CADM2: variants seen among roughly 807,000 people sequenced by gnomAD.
The protein encoded by CADM2 is immunoglobulin superfamily member 4D.
CADM2 carries 12 observed loss-of-function variants against 49.8 expected under a neutral mutation model. The observed-to-expected ratio is 0.24, with a 90% CI of 0.15 to 0.39. The LOEUF (loss-of-function observed/expected upper bound fraction) is 0.39, where lower values mean the gene tolerates loss of function less well. CADM2 is among the 10% of genes least tolerant of loss of function. The pLI, the probability that CADM2 is intolerant of heterozygous loss-of-function variation, is 1.00. For missense variants in CADM2, 378 were observed against 492.3 expected (o/e 0.77, Z 2.20); for synonymous variants, 214 against 175.4 (o/e 1.22, Z -1.74).
chr3:85,475,360 G>A (rs1401522675), intron 1 of CADM2, among the ~76,000 whole-genome samples: 1 of 151,824 alleles, frequency 6.6e-6, no homozygotes, highest in African/African-American at 2.4e-5. Flanking sequence ...TTACCAATTA[G>A]TATAATATGT....
intron 8 of CADM2, among the ~76,000 whole-genome samples, chr3:86,017,113 C>G (rs996514739): frequency 2.4e-4 from 36 of 150,022 alleles, no homozygotes; most frequent in African/African-American, 8.8e-4. Context: ...TGGGTTCATA[C>G]TACTCTGGAC....
chr3:85,061,354 A>G (rs1282531785), intron 1 of CADM2, among the ~76,000 whole-genome samples: 1 of 152,180 alleles, frequency 6.6e-6, no homozygotes, highest in African/African-American at 2.4e-5. Context: ...TGTGAATTAT[A>G]TATAAATTAC....
intron 1 of CADM2, among the ~76,000 whole-genome samples, chr3:85,531,502 A>T (rs2061308078): frequency 6.6e-6 from 1 of 152,236 alleles, no homozygotes. Context: ...AATAATACAT[A>T]CTAGTGTTTG....
intron 7 of CADM2, among the ~76,000 whole-genome samples, chr3:85,938,253 G>A (rs778563416): frequency 4.6e-5 from 7 of 151,900 alleles, no homozygotes; most frequent in Middle Eastern, 3.2e-3. Flanking sequence ...GAGGCAGAAA[G>A]GACAAAAAAC....
At chr3:85,400,086 C>G (rs1329844382) in intron 1 of CADM2, among the ~76,000 whole-genome samples, 1 of 151,976 alleles carries the variant, frequency 6.6e-6, no homozygotes, top group African/African-American at 2.4e-5. Flanking sequence ...GCTGTGGGCT[C>G]GTCATAGGTA....
In CADM2 at chr3:85,060,954, C is replaced by G. The variant is rs145193305; in HGVS notation, c.61+101286C>G. On this transcript the variant is annotated intron_variant, in intron 1 of 9. Coordinates refer to ENST00000383699, the MANE Select transcript of CADM2 (RefSeq NM_001167675.2). The stretch of plus-strand genomic sequence containing the variant: ...TAATCCCATCCAAAAAATAGTAATA[C>G]ATGAGTATACTTCTAACCAGAATGC... 3.8e-3 allele frequency among the ~76,000 whole-genome samples: 580 copies of G among 152,152 alleles called. 6 individuals carry two copies. The highest frequency in any genetic ancestry group is 0.013 in the African/African-American group (556 of 41,540).
chr3:85,687,327 G>A (rs2066247243), intron 1 of CADM2, among the ~76,000 whole-genome samples: 1 of 152,104 alleles, frequency 6.6e-6, no homozygotes, highest in Non-Finnish European at 1.5e-5. Flanking sequence ...AATTACTTTA[G>A]CCATAGTTGC....
At chr3:85,555,185 A>G (rs2061929103) in intron 1 of CADM2, among the ~76,000 whole-genome samples, 1 of 152,180 alleles carries the variant, frequency 6.6e-6, no homozygotes, top group African/African-American at 2.4e-5. Flanking sequence ...TGAATATTTT[A>G]TATACAAAAA....
At chr3:85,074,694 T>C (rs1460924048) in intron 1 of CADM2, among the ~76,000 whole-genome samples, 1 of 152,146 alleles carries the variant, frequency 6.6e-6, no homozygotes, top group Non-Finnish European at 1.5e-5. Flanking sequence ...TATTTCATGA[T>C]AATTCTGTTT....
intron 1 of CADM2, among the ~76,000 whole-genome samples, chr3:85,023,386 C>T (rs2034590872): frequency 6.6e-6 from 1 of 151,898 alleles, no homozygotes; most frequent in Non-Finnish European, 1.5e-5. Context: ...TGTGATTTCT[C>T]AGGCAATTTT....
At chr3:85,290,300 T>C (rs1192260812) in intron 1 of CADM2, among the ~76,000 whole-genome samples, 4 of 151,674 alleles carry the variant, frequency 2.6e-5, no homozygotes, top group Admixed American at 2.6e-4. Context: ...GCCCACGGAA[T>C]CTTGCTGATT....
rs571499718 is a variant in CADM2 at position 85,632,460 on chromosome 3, G to A, written c.62-94062G>A. ...AATATCAGAGTCAGAATAATGCGTC[G>A]AGAGCTGTTTTGTGACCAGATAATT... On this transcript the variant is annotated intron_variant, in intron 1 of 9. Coordinates refer to ENST00000383699, the MANE Select transcript of CADM2 (RefSeq NM_001167675.2). Among the ~76,000 whole-genome samples, 10 of 152,182 alleles carry A rather than the reference G, an allele frequency of 6.6e-5. No individual in the cohort carries two copies. The East Asian group carries it at 1.5e-3, about 24-fold the overall frequency.
intron 8 of CADM2, among the ~76,000 whole-genome samples, chr3:85,979,950 G>A (rs1362413873): frequency 6.6e-6 from 1 of 151,316 alleles, no homozygotes; most frequent in East Asian, 1.9e-4. Flanking sequence ...CCTTAAAAAG[G>A]TGGGAATATC....
intron 1 of CADM2, among the ~76,000 whole-genome samples, chr3:85,506,237 C>A (rs2040346739): frequency 6.6e-6 from 1 of 152,104 alleles, no homozygotes; most frequent in Non-Finnish European, 1.5e-5. Flanking sequence ...TGTTCTTTTT[C>A]ACTTTGTGTT....
intron 6 of CADM2, among the ~76,000 whole-genome samples, chr3:85,919,749 G>A (rs897437168): frequency 6.6e-6 from 1 of 151,806 alleles, no homozygotes; most frequent in Non-Finnish European, 1.5e-5. Flanking sequence ...TGTGCCCAGA[G>A]AAACTAAATT....
At chr3:85,267,534 T>C (rs146509789) in intron 1 of CADM2, among the ~76,000 whole-genome samples, 149 of 151,822 alleles carry the variant, frequency 9.8e-4, no homozygotes, top group African/African-American at 3.5e-3. Context: ...TCTTCCATTA[T>C]GCAATGTGTT....
intron 1 of CADM2, among the ~76,000 whole-genome samples, chr3:85,405,319 C>T (rs1645221164): frequency 1.3e-5 from 2 of 152,028 alleles, no homozygotes; most frequent in Non-Finnish European, 2.9e-5. Flanking sequence ...GAGTCATTAC[C>T]CTGTTTCTAA....
chr3:85,049,393 C>A (rs1354397433), intron 1 of CADM2, among the ~76,000 whole-genome samples: 1 of 151,312 alleles, frequency 6.6e-6, no homozygotes, highest in East Asian at 1.9e-4. Context: ...CACAGTCATC[C>A]AGGCTGGAGT....
chr3:84,969,747 A>G (rs1223246730), intron 1 of CADM2, among the ~76,000 whole-genome samples: 3 of 152,002 alleles, frequency 2.0e-5, no homozygotes, highest in Non-Finnish European at 4.4e-5. Context: ...ATAATGGTGT[A>G]CTTAACAAAA....
Sources: allele counts gnomAD v4.1 joint callset (sites outside exome capture counted in the v4.1 genomes callset), GRCh38; gene constraint gnomAD v4.1.1; transcripts MANE v1.5; gene names NCBI Gene and HGNC (gene_info 2026-07-23, HGNC 2026-07-21).